THRB: variants seen among roughly 807,000 people sequenced by gnomAD.
The protein encoded by THRB is thyroid hormone receptor beta.
A neutral mutation model predicts 47.8 loss-of-function variants in THRB; 12 were observed. That is an observed-to-expected ratio of 0.25 (90% CI 0.16 to 0.41). The LOEUF (loss-of-function observed/expected upper bound fraction) is 0.41, where lower values mean the gene tolerates loss of function less well. Ranked by LOEUF, THRB falls within the 10% of genes least tolerant of loss-of-function variation. THRB has a pLI of 1.00. For synonymous variants in THRB, 218 were observed against 212.2 expected (o/e 1.03, Z -0.24); for missense variants, 348 against 589.2 (o/e 0.59, Z 4.24).
intron 3 of THRB, among the ~76,000 whole-genome samples, chr3:24,279,389 T>C (rs1233374084): frequency 6.6e-6 from 1 of 151,784 alleles, no homozygotes; most frequent in Non-Finnish European, 1.5e-5. Flanking sequence ...ATGAGTTCTT[T>C]TTTCTTTTTT....
At chr3:24,490,596 C>T (rs1005181354) in intron 1 of THRB, among the ~76,000 whole-genome samples, 2 of 152,130 alleles carry the variant, frequency 1.3e-5, no homozygotes, top group African/African-American at 4.8e-5. Context: ...AACTGCCCTG[C>T]AGGGTGATAA....
At chr3:24,480,392 C>T (rs1480343881) in intron 1 of THRB, among the ~76,000 whole-genome samples, 1 of 152,324 alleles carries the variant, frequency 6.6e-6, no homozygotes, top group Non-Finnish European at 1.5e-5. Context: ...AGAGGACCCA[C>T]TTCCTTCAGA....
At chr3:24,382,246 A>C (rs780699180) in intron 1 of THRB, among the ~76,000 whole-genome samples, 42 of 152,094 alleles carry the variant, frequency 2.8e-4, no homozygotes, top group Non-Finnish European at 4.3e-4. Context: ...TCTAAATACA[A>C]AGCGTCATTA....
chr3:24,240,257 G>T (rs1030664885), intron 3 of THRB, among the ~76,000 whole-genome samples: 1 of 152,186 alleles, frequency 6.6e-6, no homozygotes, highest in Admixed American at 6.5e-5. Context: ...TGGTGTGGAG[G>T]ATATGAGAAA....
chr3:24,265,348 G>T (rs894548951), intron 3 of THRB, among the ~76,000 whole-genome samples: 2 of 152,212 alleles, frequency 1.3e-5, no homozygotes, highest in Non-Finnish European at 2.9e-5. Context: ...CATTAAAAGT[G>T]GTATTTTTTG....
chr3:24,340,328 C>T (rs1238163805), intron 1 of THRB, among the ~76,000 whole-genome samples: 1 of 151,902 alleles, frequency 6.6e-6, no homozygotes, highest in Non-Finnish European at 1.5e-5. Flanking sequence ...CCTCCTTCTC[C>T]TTCTCCTCCT....
intron 5 of THRB, among the ~76,000 whole-genome samples, chr3:24,177,574 A>C (rs940066299): frequency 2.6e-5 from 4 of 152,236 alleles, no homozygotes; most frequent in African/African-American, 9.6e-5. Flanking sequence ...ACTTGTACAA[A>C]ATTTCATCAC....
rs145555318 is a variant in THRB, at chr3:24,194,584, G to A, written c.23-4250C>T. Among the ~76,000 whole-genome samples the A allele has an allele frequency of 3.6e-3, 547 of 152,300 alleles. 1 individual carries two copies. Among genetic ancestry groups the A allele is most frequent in the African/African-American group, 0.012 (494 of 41,568 alleles). On this transcript the variant is annotated intron_variant, in intron 4 of 10. Transcript: ENST00000646209. ...AACTGCATTGGCTTGTGTGTCTCAA[G>A]GGAGTTTAGGCTTGAATGATTAGGT...
At chr3:24,185,362 A>G (rs887244355) in intron 5 of THRB, among the ~76,000 whole-genome samples, 2 of 152,266 alleles carry the variant, frequency 1.3e-5, no homozygotes, top group African/African-American at 4.8e-5. Flanking sequence ...CTGAAATGTA[A>G]TAAGAATGTG....
intron 5 of THRB, among the ~76,000 whole-genome samples, chr3:24,167,789 G>A (rs755833158): frequency 4.2e-4 from 64 of 152,042 alleles, no homozygotes; most frequent in Non-Finnish European, 6.6e-4. Flanking sequence ...CAATATCAAC[G>A]AAAATCAGAG....
intron 3 of THRB, among the ~76,000 whole-genome samples, chr3:24,263,903 A>G (rs1442286365): frequency 1.3e-5 from 2 of 152,154 alleles, no homozygotes; most frequent in African/African-American, 4.8e-5. Context: ...CATCATCCAA[A>G]GTGATGTCTC....
chr3:24,348,089 A>C (rs2063135879), intron 1 of THRB, among the ~76,000 whole-genome samples: 1 of 152,160 alleles, frequency 6.6e-6, no homozygotes, highest in African/African-American at 2.4e-5. Context: ...AAGTAAACAA[A>C]GTGTTAGCAG....
intron 2 of THRB, among the ~76,000 whole-genome samples, chr3:24,309,853 G>A (rs540064895): frequency 7.5e-4 from 114 of 152,260 alleles, no homozygotes; most frequent in South Asian, 6.2e-4. Flanking sequence ...TACGTAGGAT[G>A]TATACCACTG....
At chr3:24,290,605 C>A (rs1443637436) in intron 3 of THRB, among the ~76,000 whole-genome samples, 1 of 152,130 alleles carries the variant, frequency 6.6e-6, no homozygotes, top group Non-Finnish European at 1.5e-5. Flanking sequence ...CCAAGAGACA[C>A]GATGCACAAT....
intron 3 of THRB, among the ~76,000 whole-genome samples, chr3:24,289,361 A>G (rs571939773): frequency 1.2e-4 from 19 of 152,252 alleles, no homozygotes; most frequent in South Asian, 2.1e-4. Context: ...CTTTTAGGTT[A>G]AAACATAAAA....
intron 3 of THRB, among the ~76,000 whole-genome samples, chr3:24,272,463 T>C (rs2053454926): frequency 2.6e-5 from 4 of 152,176 alleles, no homozygotes; most frequent in Admixed American, 2.6e-4. Context: ...TATACCATGT[T>C]TGTTAAGTGC....
In THRB at chr3:24,158,574, G is replaced by A. The variant is rs532674180; in HGVS notation, c.284-6084C>T. Reference sequence around the variant, plus strand: ...CTCCTGAGTCACTGGGATTACAGGTGCCTGCCACCACGCCCAGCTATTATT... The same window carrying A: ...CTCCTGAGTCACTGGGATTACAGGTACCTGCCACCACGCCCAGCTATTATT... On this transcript the variant is annotated intron_variant, in intron 5 of 10. Coordinates refer to ENST00000646209, the MANE Select transcript of THRB (RefSeq NM_001354712.2). Among the ~76,000 whole-genome samples, 1,328 of 152,138 alleles carry A rather than the reference G, an allele frequency of 8.7e-3. 20 individuals carry two copies. The highest frequency in any genetic ancestry group is 0.012 in the Non-Finnish European group (793 of 67,992).
intron 8 of THRB, among the ~76,000 whole-genome samples, chr3:24,140,632 C>T (rs540156966): frequency 1.1e-4 from 17 of 152,212 alleles, no homozygotes; most frequent in African/African-American, 3.9e-4. Flanking sequence ...CTTCCCTCCC[C>T]CAAGGTACCC....
intron 1 of THRB, among the ~76,000 whole-genome samples, chr3:24,374,007 T>C (rs1268542171): frequency 2.6e-5 from 4 of 151,754 alleles, no homozygotes; most frequent in African/African-American, 9.7e-5. Context: ...GGAGTCTCTG[T>C]GAATCTGGTG....
Sources: gnomAD v4.1 joint callset for allele counts (sites outside exome capture counted in the v4.1 genomes callset) on GRCh38, gnomAD v4.1.1 for gene constraint, MANE v1.5 for transcripts, NCBI Gene and HGNC (gene_info 2026-07-23, HGNC 2026-07-21) for gene names.